Variants in BRIP1 observed in about 807,000 individuals in gnomAD.
The protein encoded by BRIP1 is Fanconi anemia group J protein.
BRIP1 carries 88 observed loss-of-function variants against 119.7 expected under a neutral mutation model. The ratio of observed to expected loss-of-function variants is 0.74; its 90% CI spans 0.62 to 0.88. The LOEUF (loss-of-function observed/expected upper bound fraction) is 0.88, where lower values mean the gene tolerates loss of function less well. Ranked by LOEUF, BRIP1 falls within the 40% of genes least tolerant of loss-of-function variation. The pLI is 0.00. For missense variants in BRIP1, 1,259 were observed against 1,455.4 expected, an observed-to-expected ratio of 0.87 and a Z score of 2.20; for synonymous variants, 443 against 496.5, an observed-to-expected ratio of 0.89 and a Z score of 1.43.
At chr17:61,747,272 A>G (rs1205392807) in intron 14 of BRIP1, among the ~76,000 whole-genome samples, 14 of 152,166 alleles carry the variant, frequency 9.2e-5, no homozygotes, top group Admixed American at 8.5e-4. Flanking sequence ...AGGGAACTAG[A>G]AAAAGAACAA....
rs1457107322 is a variant in BRIP1, at chr17:61,700,270, T to G, written c.2493-6758A>C. On this transcript the variant is annotated intron_variant, in intron 17 of 19. Transcript: ENST00000259008. This position sits in a 1 kb window ranked among gnomAD's most constrained non-coding sequence, Gnocchi z 4.1. ...TTATATTAACTTTTACATTTACGTA[T>G]GTCGTTAACTTTGTGGGTATTCTTT... 6.6e-6 allele frequency among the ~76,000 whole-genome samples: 1 copy of G among 152,202 alleles called. No homozygotes were observed. The highest frequency in any genetic ancestry group is 2.4e-5 in the African/African-American group (1 of 41,448).
rs1366561800 is a variant in BRIP1, at chr17:61,703,433, A to C, written c.2493-9921T>G. On this transcript the variant is annotated intron_variant, in intron 17 of 19. Transcript: ENST00000259008. The surrounding 1 kb of genome is among the most constrained non-coding windows in gnomAD (Gnocchi z 5.0). ...ATTTTTTCATATGCTTCTTGGCCACATGCATGTCTCCTTTTGAGAAATGTC... is the reference window on the plus strand; with the variant it reads ...ATTTTTTCATATGCTTCTTGGCCACCTGCATGTCTCCTTTTGAGAAATGTC... Among the ~76,000 whole-genome samples the C allele has an allele frequency of 1.3e-5, 2 of 152,228 alleles. No individual in the cohort carries two copies. The highest frequency in any genetic ancestry group is 1.5e-5 in the Non-Finnish European group (1 of 68,040).
At chr17:61,859,105 C>T (rs1215276064) in intron 3 of BRIP1, among the ~76,000 whole-genome samples, 1 of 140,808 alleles carries the variant, frequency 7.1e-6, no homozygotes, top group Non-Finnish European at 1.6e-5. Context: ...TTCATACAAA[C>T]AATATTATAC....
At chr17:61,692,503 AAC>A (rs890392509) in intron 18 of BRIP1, among the ~76,000 whole-genome samples, 2 of 152,168 alleles carry the variant, frequency 1.3e-5, no homozygotes, top group African/African-American at 2.4e-5. Flanking sequence ...AAACCAAAAA[AAC>A]AGATATGCAA....
rs1330604022 is a variant in BRIP1, at chr17:61,687,735, G to GA, written c.2576-1571dup. ...ACTGTTGGATGAAACCATCGAGTGA[G>GA]AAAAAAATGATACTACTGCCTGCAT... On this transcript the variant is annotated intron_variant, in intron 18 of 19. Transcript: ENST00000259008. The surrounding 1 kb of genome is among the most constrained non-coding windows in gnomAD (Gnocchi z 5.1). Among the ~76,000 whole-genome samples the GA allele has an allele frequency of 2.0e-5, 3 of 152,042 alleles. No individual in the cohort carries two copies. Among genetic ancestry groups the GA allele is most frequent in the East Asian group, 1.9e-4 (1 of 5,192 alleles).
At chr17:61,855,315 C>T (rs1009444852) in intron 4 of BRIP1, among the ~76,000 whole-genome samples, 30 of 152,260 alleles carry the variant, frequency 2.0e-4, no homozygotes, top group South Asian at 4.1e-4. Flanking sequence ...TGGTCGCTCA[C>T]GCCTATAATC....
At position 61,857,471 on chromosome 17, in the gene BRIP1, C is replaced by T. The variant is rs1452596258; in HGVS notation, c.206-240G>A. ...GGACACAGTGGCTCACGCCTGTTAT[C>T]CTAGCACTTTGGGAGGCCGAGGCAG... On this transcript the variant is annotated intron_variant, in intron 3 of 19. Coordinates refer to ENST00000259008, the MANE Select transcript of BRIP1 (RefSeq NM_032043.3). This position sits in a 1 kb window ranked among gnomAD's most constrained non-coding sequence, Gnocchi z 5.1. Among the ~76,000 whole-genome samples, 1 of 152,134 alleles carries T rather than the reference C, an allele frequency of 6.6e-6. No individual in the cohort carries two copies. The highest frequency in any genetic ancestry group is 2.4e-5 in the African/African-American group (1 of 41,420).
chr17:61,742,051 G>T lies in BRIP1; in HGVS notation c.2379+962C>A, dbSNP rs2076993001. Among the ~76,000 whole-genome samples the T allele has an allele frequency of 6.6e-6, 1 of 152,222 alleles. No homozygotes were observed. Among genetic ancestry groups the T allele is most frequent in the African/African-American group, 2.4e-5 (1 of 41,470 alleles). On this transcript the variant is annotated intron_variant, in intron 16 of 19. Transcript: ENST00000259008. This position sits in a 1 kb window ranked among gnomAD's most constrained non-coding sequence, Gnocchi z 4.7. Reference sequence around the variant, plus strand: ...CCACCTTCATCAATTATCTTGGCCAGATCTTCTGGATAACTTGCTGTAGCT... The same window carrying T: ...CCACCTTCATCAATTATCTTGGCCATATCTTCTGGATAACTTGCTGTAGCT...
rs949568491 is a variant in BRIP1 at position 61,805,326 on chromosome 17, A to C, written c.918+3141T>G. Among the ~76,000 whole-genome samples the C allele has an allele frequency of 1.3e-5, 2 of 152,098 alleles. No homozygotes were observed. Among genetic ancestry groups the C allele is most frequent in the Non-Finnish European group, 2.9e-5 (2 of 68,000 alleles). ...AAGGATGATACCTGTTAGTCCTCCA[A>C]AGTATTAAAAATAAAAATTAGGAGG... is the stretch of plus-strand genomic sequence containing the variant. On this transcript the variant is annotated intron_variant, in intron 7 of 19. Coordinates refer to ENST00000259008, the MANE Select transcript of BRIP1 (RefSeq NM_032043.3). The surrounding 1 kb of genome is among the most constrained non-coding windows in gnomAD (Gnocchi z 5.6).
rs1323253834 is a variant in BRIP1, at chr17:61,767,348, CT to C, written c.2097+9052del. On this transcript the variant is annotated intron_variant, in intron 14 of 19. Coordinates refer to ENST00000259008, the MANE Select transcript of BRIP1 (RefSeq NM_032043.3). This position sits in a 1 kb window ranked among gnomAD's most constrained non-coding sequence, Gnocchi z 5.7. ...CTGGAGTGCAGTGGTGTGATCACAG[CT>C]CACTGCAGCCTCAAACTTCTGGGCT... 1.3e-5 allele frequency among the ~76,000 whole-genome samples: 2 copies of C among 152,106 alleles called. No individual in the cohort carries two copies. The highest frequency in any genetic ancestry group is 1.3e-4 in the Admixed American group (2 of 15,256).
rs949559131 is a variant in BRIP1, at chr17:61,760,324, T to A, written c.2098-15733A>T. ...GTAGTCCTAAGAGGAAAGTTTACAA[T>A]AACAAATGCCTACATCAAAAAAGAA... On this transcript the variant is annotated intron_variant, in intron 14 of 19. Coordinates refer to ENST00000259008, the MANE Select transcript of BRIP1 (RefSeq NM_032043.3). This position sits in a 1 kb window ranked among gnomAD's most constrained non-coding sequence, Gnocchi z 4.6. Among the ~76,000 whole-genome samples the A allele has an allele frequency of 1.3e-4, 20 of 151,604 alleles. No homozygotes were observed. Among genetic ancestry groups the A allele is most frequent in the African/African-American group, 4.8e-4 (20 of 41,322 alleles).
Position 61,805,330 on chromosome 17 carries a change from A to G in BRIP1, c.918+3137T>C, listed in dbSNP as rs1033364830. On this transcript the variant is annotated intron_variant, in intron 7 of 19. Coordinates refer to ENST00000259008, the MANE Select transcript of BRIP1 (RefSeq NM_032043.3). The surrounding 1 kb of genome is among the most constrained non-coding windows in gnomAD (Gnocchi z 5.6). ...ATGATACCTGTTAGTCCTCCAAAGTATTAAAAATAAAAATTAGGAGGAAAG... is the reference window on the plus strand; with the variant it reads ...ATGATACCTGTTAGTCCTCCAAAGTGTTAAAAATAAAAATTAGGAGGAAAG... Among the ~76,000 whole-genome samples the G allele has an allele frequency of 2.0e-5, 3 of 152,160 alleles. No homozygotes were observed. Among genetic ancestry groups the G allele is most frequent in the African/African-American group, 7.2e-5 (3 of 41,470 alleles).
chr17:61,827,356 C>T lies in BRIP1; in HGVS notation c.628-18599G>A, dbSNP rs1015512569. Among the ~76,000 whole-genome samples, 1 of 152,038 alleles carries T rather than the reference C, an allele frequency of 6.6e-6. No individual in the cohort carries two copies. The highest frequency in any genetic ancestry group is 2.4e-5 in the African/African-American group (1 of 41,392). On this transcript the variant is annotated intron_variant, in intron 6 of 19. Coordinates refer to ENST00000259008, the MANE Select transcript of BRIP1 (RefSeq NM_032043.3). This position sits in a 1 kb window ranked among gnomAD's most constrained non-coding sequence, Gnocchi z 5.8. ...TACCTGGGTGACAAAATAATCTGTACAACAAACCACTACCACACAAGTTTA... is the reference window on the plus strand; with the variant it reads ...TACCTGGGTGACAAAATAATCTGTATAACAAACCACTACCACACAAGTTTA...
intron 6 of BRIP1, among the ~76,000 whole-genome samples, chr17:61,818,666 G>A (rs1305142729): frequency 6.6e-6 from 1 of 152,092 alleles, no homozygotes; most frequent in Non-Finnish European, 1.5e-5. Context: ...TTCCAATGAG[G>A]GGAATTATAT....
In BRIP1 at chr17:61,775,629, T is replaced by A. The variant is rs1359085642; in HGVS notation, c.2097+772A>T. ...ATAATTTCAAATTAACTAAAAAAAA[T>A]TATTAAAAATCAGTGACTCTAAAAA... On this transcript the variant is annotated intron_variant, in intron 14 of 19. Coordinates refer to ENST00000259008, the MANE Select transcript of BRIP1 (RefSeq NM_032043.3). This position sits in a 1 kb window ranked among gnomAD's most constrained non-coding sequence, Gnocchi z 4.4. 1.3e-5 allele frequency among the ~76,000 whole-genome samples: 2 copies of A among 152,046 alleles called. No individual in the cohort carries two copies. Among genetic ancestry groups the A allele is most frequent in the African/African-American group, 4.8e-5 (2 of 41,424 alleles).
Position 61,751,988 on chromosome 17 carries a change from C to T in BRIP1, c.2098-7397G>A, listed in dbSNP as rs1297004020. Among the ~76,000 whole-genome samples, 2 of 152,052 alleles carry T rather than the reference C, an allele frequency of 1.3e-5. No homozygotes were observed. Among genetic ancestry groups the T allele is most frequent in the Admixed American group, 6.5e-5 (1 of 15,270 alleles). On this transcript the variant is annotated intron_variant, in intron 14 of 19. Transcript: ENST00000259008. This position sits in a 1 kb window ranked among gnomAD's most constrained non-coding sequence, Gnocchi z 6.7. ...TTCACCATATTGGTCAGGCTGGTCT[C>T]GAACTCCTGACCTCAGGTGATCCAC...
In BRIP1 at chr17:61,827,407, C is replaced by T. The variant is rs967176982; in HGVS notation, c.628-18650G>A. Among the ~76,000 whole-genome samples the T allele has an allele frequency of 6.6e-6, 1 of 151,974 alleles. No homozygotes were observed. The highest frequency in any genetic ancestry group is 2.4e-5 in the African/African-American group (1 of 41,380). The stretch of plus-strand genomic sequence containing the variant: ...CCTATATAACAAACCTGAGCATGTA[C>T]CCCTGAACTTAAAATAAAAATTAAA... On this transcript the variant is annotated intron_variant, in intron 6 of 19. Coordinates refer to ENST00000259008, the MANE Select transcript of BRIP1 (RefSeq NM_032043.3). The surrounding 1 kb of genome is among the most constrained non-coding windows in gnomAD (Gnocchi z 5.8).
rs1177594980 is a variant in BRIP1, at chr17:61,710,339, G to A, written c.2492+5612C>T. ...TTTCACTAATTCAACAAGCATTTGAGACTTAGTTGGTTGCTGAGAATGTAA... is the reference window on the plus strand; with the variant it reads ...TTTCACTAATTCAACAAGCATTTGAAACTTAGTTGGTTGCTGAGAATGTAA... On this transcript the variant is annotated intron_variant, in intron 17 of 19. Transcript: ENST00000259008. This position sits in a 1 kb window ranked among gnomAD's most constrained non-coding sequence, Gnocchi z 5.4. 6.6e-6 allele frequency among the ~76,000 whole-genome samples: 1 copy of A among 152,174 alleles called. No homozygotes were observed. Among genetic ancestry groups the A allele is most frequent in the Non-Finnish European group, 1.5e-5 (1 of 68,028 alleles).
At position 61,803,868 on chromosome 17, in the gene BRIP1, AAATT is replaced by A. The variant is rs1210712932; in HGVS notation, c.919-2398_919-2395del. On this transcript the variant is annotated intron_variant, in intron 7 of 19. Transcript: ENST00000259008. This position sits in a 1 kb window ranked among gnomAD's most constrained non-coding sequence, Gnocchi z 4.3. ...TACTGTTAAATAGCCAAAAAATTGA[AAATT>A]AACCAAATGTCTACCCATAAGGGAC... Among the ~76,000 whole-genome samples, 1 of 152,170 alleles carries A rather than the reference AAATT, an allele frequency of 6.6e-6. No homozygotes were observed. The highest frequency in any genetic ancestry group is 6.5e-5 in the Admixed American group (1 of 15,270).
Sources: allele counts gnomAD v4.1 joint callset (sites outside exome capture counted in the v4.1 genomes callset), GRCh38; gene constraint gnomAD v4.1.1; non-coding constraint Gnocchi (gnomAD v3.1); transcripts MANE v1.5; gene names NCBI Gene and HGNC (gene_info 2026-07-23, HGNC 2026-07-21).